Variants in PHC3 observed in about 807,000 individuals in gnomAD.
The protein encoded by PHC3 is polyhomeotic homolog 3.
Under a neutral mutation model 107.4 loss-of-function variants are expected in PHC3, and 13 were observed. The ratio of observed to expected loss-of-function variants is 0.12; its 90% confidence interval spans 0.08 to 0.19. PHC3 has a LOEUF of 0.19. Ranked by LOEUF, PHC3 falls within the 10% of genes least tolerant of loss-of-function variation. The pLI, the probability that PHC3 is intolerant of heterozygous loss-of-function variation, is 1.00. For synonymous variants in PHC3, 456 were observed against 427.4 expected (o/e 1.07, Z -0.83); for missense variants, 992 against 1,210.9 (o/e 0.82, Z 2.68).
At chr3:170,161,029 C>T (rs1439071819) in intron 4 of PHC3, among the ~76,000 whole-genome samples, 1 of 152,158 alleles carries the variant, frequency 6.6e-6, no homozygotes, top group Non-Finnish European at 1.5e-5. Flanking sequence ...GCATTAATAT[C>T]ATTACATATT....
intron 8 of PHC3, chr3:170,125,959 T>C (rs1358884903): frequency 1.0e-6 from 1 of 977,912 alleles, no homozygotes; most frequent in African/African-American, 1.8e-5. Context: ...CTGCCAAACT[T>C]ACCTCAATAA....
intron 4 of PHC3, among the ~76,000 whole-genome samples, chr3:170,157,942 C>T (rs959399262): frequency 2.6e-5 from 4 of 151,620 alleles, no homozygotes; most frequent in East Asian, 1.9e-4. Context: ...AAATTAAAAC[C>T]ACCAGCAAGA....
intron 9 of PHC3, among the ~76,000 whole-genome samples, chr3:170,118,446 C>G (rs1231245241): frequency 1.3e-5 from 2 of 152,154 alleles, no homozygotes; most frequent in African/African-American, 4.8e-5. Flanking sequence ...GAGTCTCGCT[C>G]TGTCACCCAG....
Position 170,149,008 on chromosome 3 carries a change from CTT to C in PHC3, c.573+76_573+77del, listed in dbSNP as rs138682698. 4,847 of 1,394,156 alleles carry C rather than the reference CTT, an allele frequency of 3.5e-3. 190 individuals carry two copies. The East Asian group carries it at 0.087, about 25-fold the overall frequency. The allele number at this position is 1,394,156 out of a possible 1,614,324, so 86.4% of individuals were successfully genotyped here. ...CATTTCTTAAATATTAAAAATACCT[CTT>C]ATTGTATCAAATCAAGAAACATTTT... On this transcript the variant is annotated intron_variant, in intron 5 of 14. Transcript: ENST00000495893.
intron 4 of PHC3, among the ~76,000 whole-genome samples, chr3:170,160,366 A>AT (rs1394801105): frequency 6.6e-6 from 1 of 152,218 alleles, no homozygotes; most frequent in Non-Finnish European, 1.5e-5. Flanking sequence ...TAGTACTATT[A>AT]TATTATTTAC....
In PHC3 at chr3:170,113,474, G is replaced by T; in HGVS notation, c.2239C>A (p.Pro747Thr). 2 of 1,612,188 alleles carry T rather than the reference G, an allele frequency of 1.2e-6. No individual in the cohort carries two copies. Among genetic ancestry groups the T allele is most frequent in the Non-Finnish European group, 1.7e-6 (2 of 1,179,046 alleles). Residue 747 changes from proline to threonine, a missense_variant, in exon 11 of 15, where the codon CCT becomes ACT. By Grantham distance (38) the Pro-to-Thr change is conservative (BLOSUM62 -1). Around this residue, in one of 6 missense-constraint regions of PHC3, gnomAD observed 228 missense variants for 288.8 expected, o/e 0.79. Coordinates refer to ENST00000495893, the MANE Select transcript of PHC3 (RefSeq NM_024947.4). ...LLIEQPVKKR[P>T]LLDNQVINSV... Reference sequence around the variant, plus strand: ...TTTATCACCTGATTATCCAAAAGAGGCCGTTTTTTCACAGGCTGTTCTATT... The same window carrying T: ...TTTATCACCTGATTATCCAAAAGAGTCCGTTTTTTCACAGGCTGTTCTATT...
chr3:170,105,132 T>G (rs187275737), intron 12 of PHC3, among the ~76,000 whole-genome samples: 23 of 152,330 alleles, frequency 1.5e-4, no homozygotes, highest in Admixed American at 1.5e-3. Context: ...ATGGCAGCAT[T>G]AAGTGTTCTC....
intron 10 of PHC3, among the ~76,000 whole-genome samples, chr3:170,113,972 T>C (rs1200847731): frequency 6.6e-6 from 1 of 152,160 alleles, no homozygotes; most frequent in East Asian, 1.9e-4. Context: ...AGCAATTCTC[T>C]CTCAAGTTCT....
At chr3:170,173,865 C>A (rs1397377426) in intron 2 of PHC3, among the ~76,000 whole-genome samples, 1 of 152,122 alleles carries the variant, frequency 6.6e-6, no homozygotes, top group Non-Finnish European at 1.5e-5. Context: ...GTCTGAAAAT[C>A]TTACAATGAG....
intron 10 of PHC3, among the ~76,000 whole-genome samples, chr3:170,115,364 A>G (rs947547536): frequency 1.3e-5 from 2 of 152,130 alleles, no homozygotes; most frequent in Admixed American, 1.3e-4. Context: ...GTATGTATCT[A>G]TAACATATAT....
At chr3:170,109,450 G>T (rs562290854) in intron 11 of PHC3, among the ~76,000 whole-genome samples, 26 of 152,226 alleles carry the variant, frequency 1.7e-4, no homozygotes, top group African/African-American at 6.0e-4. Context: ...CCTGGAGCTT[G>T]AGTGCCCAAT....
At position 170,136,615 on chromosome 3, in the gene PHC3, T is replaced by C. The variant is rs762885377; in HGVS notation, c.723A>G (p.Ser241=). 1 of 1,613,818 alleles carries C rather than the reference T, an allele frequency of 6.2e-7. No homozygotes were observed. The highest frequency in any genetic ancestry group is 8.5e-7 in the Non-Finnish European group (1 of 1,179,818). Residue 241 remains serine, a synonymous_variant, in exon 7 of 15, where the codon TCA becomes TCG. Transcript: ENST00000495893. ...RSQKLGVLSS[S]QNGPPKSTSQ... is the part of the protein sequence containing the mutation. ...TAGTGCTTTTTGGTGGACCATTCTG[T>C]GAGCTAGATAATACACCCAACTTCT...
rs1034942201 is a variant in PHC3 at position 170,128,270 on chromosome 3, G to C, written c.1788+414C>G. 3.8e-5 allele frequency: 37 copies of C among 971,304 alleles called. No homozygotes were observed. In the East Asian group the frequency reaches 2.3e-3, roughly 61 times the overall value. The allele number at this position is 971,304 out of a possible 1,614,324, so 60.2% of individuals were successfully genotyped here. A position where few individuals can be genotyped will look rare whatever the true frequency, so the allele number is the denominator to read the frequency against. ...CTCTAGGATGCATAAAACTAAAAGG[G>C]TTAGGCTAGATAAACCATACGTTTT... is the stretch of plus-strand genomic sequence containing the variant. On this transcript the variant is annotated intron_variant, in intron 8 of 14. Coordinates refer to ENST00000495893, the MANE Select transcript of PHC3 (RefSeq NM_024947.4).
chr3:170,180,149 A>C (rs548252898), intron 1 of PHC3, among the ~76,000 whole-genome samples: 32 of 131,666 alleles, frequency 2.4e-4, no homozygotes, highest in African/African-American at 3.4e-4. Context: ...AAAACCGAAC[A>C]AAAAAAAAAA....
chr3:170,132,427 G>A (rs890059837), intron 7 of PHC3, among the ~76,000 whole-genome samples: 1 of 152,186 alleles, frequency 6.6e-6, no homozygotes, highest in Non-Finnish European at 1.5e-5. Context: ...CACAAAATTC[G>A]TATGCTGAAG....
chr3:170,123,606 T>C (rs2108429079), intron 8 of PHC3, among the ~76,000 whole-genome samples: 1 of 151,918 alleles, frequency 6.6e-6, no homozygotes, highest in Middle Eastern at 3.4e-3. Context: ...CTGGCCAACA[T>C]GGTGAAACCC....
chr3:170,162,044 T>G (rs1233350860), intron 4 of PHC3, among the ~76,000 whole-genome samples: 5 of 152,240 alleles, frequency 3.3e-5, no homozygotes, highest in Admixed American at 3.3e-4. Flanking sequence ...TAAAATCATT[T>G]AATTAGATAA....
intron 12 of PHC3, 88 bp downstream of exon 12, chr3:170,106,744 T>C (rs1003405630): frequency 1.5e-6 from 1 of 670,876 alleles, no homozygotes; most frequent in South Asian, 2.6e-5. Context: ...TATCTATAGT[T>C]ATCCTTGGTA....
chr3:170,156,254 T>C (rs1013713253), intron 4 of PHC3, among the ~76,000 whole-genome samples: 2 of 152,000 alleles, frequency 1.3e-5, no homozygotes, highest in African/African-American at 4.8e-5. Context: ...TCCGGCCCTA[T>C]GCAGAATTTT....
Sources: allele counts gnomAD v4.1 joint callset (sites outside exome capture counted in the v4.1 genomes callset), GRCh38; gene constraint gnomAD v4.1.1; regional missense constraint gnomAD v4.1.1; transcripts MANE v1.5; gene names NCBI Gene and HGNC (gene_info 2026-07-23, HGNC 2026-07-21).